The following EXOC2 variants were observed in gnomAD, a reference collection of about 807,000 sequenced individuals.
EXOC2 encodes the protein exocyst complex component 2, also known as SEC5-like 1.
Under a neutral mutation model 131.8 loss-of-function variants are expected in EXOC2, and 70 were observed. The ratio of observed to expected loss-of-function variants is 0.53; its 90% CI spans 0.44 to 0.65. The LOEUF (loss-of-function observed/expected upper bound fraction) is 0.65. Among genes scored for constraint, EXOC2 ranks in the 30% least tolerant of loss-of-function variants. EXOC2 has a pLI of 0.00. For synonymous variants in EXOC2, 411 were observed against 398.4 expected, an observed-to-expected ratio of 1.03 and a Z score of -0.38; for missense variants, 923 against 1,108.6, an observed-to-expected ratio of 0.83 and a Z score of 2.38.
chr6:535,369 AAAATTTG>A (rs1334281631), intron 22 of EXOC2, among the ~76,000 whole-genome samples: 1 of 152,164 alleles, frequency 6.6e-6, no homozygotes, highest in Non-Finnish European at 1.5e-5. Context: ...TGTCTCTTAA[AAAATTTG>A]AAATTTTTTA....
intron 6 of EXOC2, among the ~76,000 whole-genome samples, chr6:616,424 A>C (rs1324126934): frequency 6.6e-6 from 1 of 151,786 alleles, no homozygotes; most frequent in African/African-American, 2.4e-5. Flanking sequence ...TAACACGGTG[A>C]AACCCCGTCT....
intron 1 of EXOC2, among the ~76,000 whole-genome samples, chr6:664,602 T>C (rs1288763771): frequency 1.3e-5 from 2 of 152,052 alleles, no homozygotes; most frequent in African/African-American, 2.4e-5. Context: ...CACAGACCAG[T>C]GGAAAAGAAT....
chr6:656,445 C>T (rs1040569188), intron 1 of EXOC2: 8 of 1,613,514 alleles, frequency 5.0e-6, no homozygotes, highest in Non-Finnish European at 6.8e-6. Flanking sequence ...CTCCACGATG[C>T]TCCTCAGCGT....
chr6:655,534 G>A (rs1554145234), intron 1 of EXOC2, among the ~76,000 whole-genome samples: 1 of 152,078 alleles, frequency 6.6e-6, no homozygotes, highest in South Asian at 2.1e-4. Context: ...TGATACATGT[G>A]AAAAATGAAC....
At chr6:528,140 C>T (rs779137183) in intron 23 of EXOC2, among the ~76,000 whole-genome samples, 13 of 151,772 alleles carry the variant, frequency 8.6e-5, no homozygotes, top group African/African-American at 1.5e-4. Flanking sequence ...AAATACCCAA[C>T]GGTAAGATTT....
At position 556,475 on chromosome 6, in the gene EXOC2, A is replaced by C. The variant is rs1757425073; in HGVS notation, c.1932+9T>G. 2 of 1,613,694 alleles carry C rather than the reference A, an allele frequency of 1.2e-6. No individual in the cohort carries two copies. The highest frequency in any genetic ancestry group is 1.7e-5 in the Admixed American group (1 of 59,974). ...GAAACTGGAGTCCAAGCGGAGCTGG[A>C]ATACTTACACTGGCCTCTCCCGGCT... is the stretch of plus-strand genomic sequence containing the variant. On this transcript the variant is annotated intron_variant, in intron 18 of 27. Transcript: ENST00000230449.
At chr6:581,570 G>A (rs1561885221) in intron 11 of EXOC2, among the ~76,000 whole-genome samples, 1 of 152,110 alleles carries the variant, frequency 6.6e-6, no homozygotes, top group Non-Finnish European at 1.5e-5. Context: ...AATTCTATGT[G>A]ATATTTGCAG....
intron 23 of EXOC2, among the ~76,000 whole-genome samples, chr6:501,202 T>TTATATATATATTATATA (rs1764089548): frequency 1.1e-4 from 1 of 9,050 alleles, no homozygotes; most frequent in East Asian, 3.1e-3. Flanking sequence ...TCTATATATA[T>TTATATATATATTATATA]TATATATATA....
chr6:669,801 G>A (rs1169030503), intron 1 of EXOC2: 2 of 152,252 alleles, frequency 1.3e-5, no homozygotes, highest in African/African-American at 4.8e-5. Flanking sequence ...GTAGCCCAAG[G>A]ACAGCATTAA....
intron 3 of EXOC2, among the ~76,000 whole-genome samples, chr6:631,147 G>C (rs1402540470): frequency 6.6e-6 from 1 of 152,166 alleles, no homozygotes; most frequent in Non-Finnish European, 1.5e-5. Flanking sequence ...GTAGCTGCAA[G>C]GCCCTCTATG....
chr6:587,404 C>G (rs1759269179), intron 11 of EXOC2, among the ~76,000 whole-genome samples: 1 of 152,136 alleles, frequency 6.6e-6, no homozygotes, highest in African/African-American at 2.4e-5. Flanking sequence ...GCCACCATGT[C>G]CGGCTAATTT....
intron 1 of EXOC2, among the ~76,000 whole-genome samples, chr6:677,934 T>TCACACACACACA (rs1554150218): frequency 2.2e-4 from 33 of 147,204 alleles, no homozygotes; most frequent in African/African-American, 8.0e-4. Flanking sequence ...TTATAATCTC[T>TCACACACACACA]CACACACACA....
At chr6:567,495 T>C (rs191119803) in intron 13 of EXOC2, among the ~76,000 whole-genome samples, 1 of 152,342 alleles carries the variant, frequency 6.6e-6, no homozygotes, top group Non-Finnish European at 1.5e-5. Flanking sequence ...ATTATTTGAG[T>C]TCTGTCTCTA....
chr6:626,287 C>A (rs1230639605), intron 4 of EXOC2, among the ~76,000 whole-genome samples: 1 of 152,136 alleles, frequency 6.6e-6, no homozygotes, highest in Non-Finnish European at 1.5e-5. Context: ...AGACAGCCAA[C>A]AAATGCCACG....
chr6:574,044 C>A (rs1008784), intron 12 of EXOC2, among the ~76,000 whole-genome samples: 141 of 152,332 alleles, frequency 9.3e-4, no homozygotes, highest in Middle Eastern at 3.4e-3. Flanking sequence ...TGTATTCAAA[C>A]GTAAGGCAAA....
At chr6:513,530 G>C (rs1764972913) in intron 23 of EXOC2, among the ~76,000 whole-genome samples, 1 of 152,158 alleles carries the variant, frequency 6.6e-6, no homozygotes, top group South Asian at 2.1e-4. Context: ...GGTAGCTTTT[G>C]TGATTCCATA....
chr6:651,403 C>T (rs1362172707), intron 1 of EXOC2, among the ~76,000 whole-genome samples: 1 of 151,906 alleles, frequency 6.6e-6, no homozygotes, highest in East Asian at 1.9e-4. Flanking sequence ...CTTGTAATCC[C>T]AACACTTTGG....
rs148665259 is a variant in EXOC2 at position 637,795 on chromosome 6, G to T, written c.24C>A (p.Pro8=). 18 of 1,613,690 alleles carry T rather than the reference G, an allele frequency of 1.1e-5. No homozygotes were observed. Among genetic ancestry groups the T allele is most frequent in the Non-Finnish European group, 1.4e-5 (17 of 1,179,932 alleles). ...CATTTGGAGAGATGCCGGTCACAAG[G>T]GGGGGTTGTCGTGATCGAGACATTG... MSRSRQP[P]LVTGISPNEG... The change falls in exon 2 of 28, where the codon CCC becomes CCA. Residue 8 remains proline (P), a synonymous_variant. Coordinates refer to ENST00000230449, the MANE Select transcript of EXOC2 (RefSeq NM_018303.6).
chr6:533,043 G>A (rs1408111572), intron 22 of EXOC2, among the ~76,000 whole-genome samples: 1 of 152,114 alleles, frequency 6.6e-6, no homozygotes, highest in Non-Finnish European at 1.5e-5. Flanking sequence ...AAGGGGAAGA[G>A]AGCCCCTTAT....
Sources: gnomAD v4.1 joint callset for allele counts (sites outside exome capture counted in the v4.1 genomes callset) on GRCh38, gnomAD v4.1.1 for gene constraint, MANE v1.5 for transcripts, NCBI Gene and HGNC (gene_info 2026-07-23, HGNC 2026-07-21) for gene names.